SLC9B1: variants seen among roughly 807,000 people sequenced by gnomAD.
The protein encoded by SLC9B1 is solute carrier family 9 member B1.
SLC9B1 carries 32 observed loss-of-function variants against 51.7 expected under a neutral mutation model. The observed-to-expected ratio is 0.62, with a 90% CI of 0.47 to 0.83. SLC9B1 has a LOEUF of 0.83. Among genes scored for constraint, SLC9B1 ranks in the 40% least tolerant of loss-of-function variants. SLC9B1 has a pLI of 0.00. For synonymous variants in SLC9B1, 145 were observed against 212.7 expected (o/e 0.68, Z 2.77); for missense variants, 406 against 613.2 (o/e 0.66, Z 3.57).
At chr4:103,013,366 T>C (rs564136578) in intron 1 of SLC9B1, among the ~76,000 whole-genome samples, 1 of 152,360 alleles carries the variant, frequency 6.6e-6, no homozygotes, top group South Asian at 2.1e-4. Flanking sequence ...ATCATTTTGT[T>C]ATTTGCTCTA....
intron 3 of SLC9B1, among the ~76,000 whole-genome samples, chr4:102,954,774 GA>G (rs1418714158): frequency 6.6e-6 from 1 of 152,144 alleles, no homozygotes; most frequent in African/African-American, 2.4e-5. Context: ...AATGTGCAAA[GA>G]AATTGGTAAA....
chr4:102,948,366 A>T (rs533632723), intron 4 of SLC9B1, among the ~76,000 whole-genome samples: 1 of 150,372 alleles, frequency 6.7e-6, no homozygotes, highest in African/African-American at 2.5e-5. Context: ...ACACACACAC[A>T]CTACTGGTCA....
intron 7 of SLC9B1, among the ~76,000 whole-genome samples, chr4:102,912,812 A>C (rs1244458567): frequency 2.0e-5 from 3 of 152,162 alleles, no homozygotes; most frequent in African/African-American, 7.2e-5. Flanking sequence ...CAGGAGTTTG[A>C]GGCTGCACTC....
At chr4:102,978,886 C>T (rs1396237468) in intron 3 of SLC9B1, among the ~76,000 whole-genome samples, 1 of 152,148 alleles carries the variant, frequency 6.6e-6, no homozygotes, top group Non-Finnish European at 1.5e-5. Flanking sequence ...AAAATAAATG[C>T]TCTAAAACTT....
At chr4:102,969,151 C>A (rs1234379172) in intron 3 of SLC9B1, among the ~76,000 whole-genome samples, 1 of 152,236 alleles carries the variant, frequency 6.6e-6, no homozygotes, top group Non-Finnish European at 1.5e-5. Context: ...CAGACTTAAA[C>A]GTCCCTGTCT....
chr4:102,928,919 T>A (rs1191419999), intron 7 of SLC9B1, among the ~76,000 whole-genome samples: 14 of 152,206 alleles, frequency 9.2e-5, no homozygotes, highest in Middle Eastern at 3.4e-3. Flanking sequence ...GCAGGAAGCA[T>A]CCAGCATGGG....
chr4:102,928,601 T>C (rs3974604), intron 7 of SLC9B1, among the ~76,000 whole-genome samples: 87,477 of 152,066 alleles, frequency 0.58, 26,426 homozygotes, highest in African/African-American at 0.78. Context: ...TCCATTACCT[T>C]GGTATCAAAA....
At chr4:103,010,723 C>T (rs563702405) in intron 1 of SLC9B1, among the ~76,000 whole-genome samples, 10 of 152,156 alleles carry the variant, frequency 6.6e-5, no homozygotes, top group South Asian at 2.1e-4. Flanking sequence ...GACAGAAGGG[C>T]GAAAAGGGGC....
intron 3 of SLC9B1, among the ~76,000 whole-genome samples, chr4:102,973,769 A>G (rs1365971658): frequency 6.6e-6 from 1 of 152,228 alleles, no homozygotes; most frequent in Non-Finnish European, 1.5e-5. Context: ...ATAATTTTTC[A>G]GTCAAAGAAG....
chr4:102,965,255 C>T (rs1189689552), intron 3 of SLC9B1, among the ~76,000 whole-genome samples: 1 of 151,936 alleles, frequency 6.6e-6, no homozygotes, highest in Non-Finnish European at 1.5e-5. Flanking sequence ...TCATGTTTCT[C>T]CAGACCGGGA....
At chr4:102,982,647 C>T (rs1042180761) in intron 3 of SLC9B1, among the ~76,000 whole-genome samples, 1 of 152,022 alleles carries the variant, frequency 6.6e-6, no homozygotes, top group Non-Finnish European at 1.5e-5. Flanking sequence ...TTTTGTGGTG[C>T]TAATGTAAAT....
At chr4:102,912,669 C>T (rs1315912208) in intron 7 of SLC9B1, among the ~76,000 whole-genome samples, 2 of 152,000 alleles carry the variant, frequency 1.3e-5, no homozygotes, top group East Asian at 3.9e-4. Flanking sequence ...TTGCTTGAGC[C>T]CAAGAGTTTG....
At chr4:103,005,161 G>A (rs1740714360) in intron 1 of SLC9B1, among the ~76,000 whole-genome samples, 1 of 151,388 alleles carries the variant, frequency 6.6e-6, no homozygotes. Flanking sequence ...GGATAAAGAA[G>A]CAAGACCCAA....
chr4:103,003,933 G>A (rs765185816), intron 1 of SLC9B1, among the ~76,000 whole-genome samples: 3 of 152,086 alleles, frequency 2.0e-5, no homozygotes, highest in Non-Finnish European at 4.4e-5. Flanking sequence ...GAAGATAAAA[G>A]CAAAAAGCCC....
At chr4:102,972,366 A>G (rs1229275846) in intron 3 of SLC9B1, among the ~76,000 whole-genome samples, 2 of 152,132 alleles carry the variant, frequency 1.3e-5, no homozygotes, top group African/African-American at 4.8e-5. Context: ...AATCCATCAC[A>G]CTTCAGCCTT....
rs6820786 is a variant in SLC9B1, at chr4:102,936,330, A to T, written c.654-4031T>A. 2.7e-3 allele frequency among the ~76,000 whole-genome samples: 418 copies of T among 152,356 alleles called. 3 individuals carry two copies. Among genetic ancestry groups the T allele is most frequent in the Middle Eastern group, 0.014 (4 of 294 alleles). ...CACAGATGTGAAAGAACCAGTGCAA[A>T]AACTGGCAATGTAAAAAGCCAGAAT... On this transcript the variant is annotated intron_variant, in intron 6 of 11. Coordinates refer to ENST00000296422, the MANE Select transcript of SLC9B1 (RefSeq NM_139173.4).
chr4:102,917,137 C>G (rs1479286456), intron 7 of SLC9B1, among the ~76,000 whole-genome samples: 1 of 152,170 alleles, frequency 6.6e-6, no homozygotes, highest in Non-Finnish European at 1.5e-5. Flanking sequence ...GCACATCAAA[C>G]TCTAGGTTCT....
At chr4:102,923,535 T>A (rs1376872722) in intron 7 of SLC9B1, among the ~76,000 whole-genome samples, 2 of 152,216 alleles carry the variant, frequency 1.3e-5, no homozygotes, top group Admixed American at 1.3e-4. Flanking sequence ...TCACTCCTAT[T>A]CAACATAGTC....
chr4:102,955,077 A>G (rs1737713504), intron 3 of SLC9B1, among the ~76,000 whole-genome samples: 1 of 152,284 alleles, frequency 6.6e-6, no homozygotes, highest in Admixed American at 6.5e-5. Context: ...TTGCTCCCTG[A>G]TATGGTTTGG....
Sources: allele counts gnomAD v4.1 joint callset (sites outside exome capture counted in the v4.1 genomes callset), GRCh38; gene constraint gnomAD v4.1.1; transcripts MANE v1.5; gene names NCBI Gene and HGNC (gene_info 2026-07-23, HGNC 2026-07-21).